Variants in TRMT10B observed in about 807,000 individuals in gnomAD.
TRMT10B encodes tRNA methyltransferase 10B.
TRMT10B carries 33 observed loss-of-function variants against 43.8 expected under a neutral mutation model. The observed-to-expected ratio is 0.75, with a 90% CI of 0.57 to 1.01. TRMT10B has a LOEUF of 1.01. Among genes scored for constraint, TRMT10B ranks in the 50% least tolerant of loss-of-function variants. The probability of loss-of-function intolerance (pLI) is 0.00; values close to 1 mark genes in which losing one functional copy is unlikely to be tolerated. For missense variants in TRMT10B, 362 were observed against 369.8 expected, an observed-to-expected ratio of 0.98 and a Z score of 0.17; for synonymous variants, 137 against 130.6, an observed-to-expected ratio of 1.05 and a Z score of -0.34.
intron 5 of TRMT10B, among the ~76,000 whole-genome samples, chr9:37,768,957 C>T (rs1827260094): frequency 6.6e-6 from 1 of 152,114 alleles, no homozygotes; most frequent in Admixed American, 6.5e-5. Flanking sequence ...TTCCTGTCTT[C>T]GTGCCTTTCT....
At chr9:37,769,559 T>C (rs1827338202) in intron 5 of TRMT10B, 3 of 206,158 alleles carry the variant, frequency 1.5e-5, no homozygotes, top group African/African-American at 4.6e-5. Flanking sequence ...TTGATAAACC[T>C]AGAGCCATGC....
At chr9:37,775,893 G>C (rs188591718) in intron 7 of TRMT10B, among the ~76,000 whole-genome samples, 3 of 152,324 alleles carry the variant, frequency 2.0e-5, no homozygotes, top group Admixed American at 2.0e-4. Context: ...CACCTGTCTT[G>C]AATCTTGTCT....
chr9:37,774,273 A>AT (rs1385344662), intron 7 of TRMT10B, among the ~76,000 whole-genome samples: 1 of 152,204 alleles, frequency 6.6e-6, no homozygotes, highest in African/African-American at 2.4e-5. Flanking sequence ...AAGTGCTGAG[A>AT]TTGCAGGCAT....
chr9:37,768,285 T>C (rs1488829913), intron 5 of TRMT10B, 57 bp downstream of exon 5: 7 of 1,519,526 alleles, frequency 4.6e-6, no homozygotes, highest in Middle Eastern at 1.9e-4. Flanking sequence ...TTGTGGTTAA[T>C]AGTATTTTTT....
chr9:37,762,013 G>A lies in TRMT10B; in HGVS notation c.82G>A (p.Gly28Ser), dbSNP rs1334056186. ...QGQEGILEETGEDGLPEGFQL... is the reference protein window; with the variant it reads ...QGQEGILEETSEDGLPEGFQL... ...GCAAGAAGGCATCCTAGAGGAGACA[G>A]GTGAAGATGGACTTCCTGAAGGCTT... is the stretch of plus-strand genomic sequence containing the variant. The change falls in exon 2 of 9, where the codon GGT (glycine) becomes AGT (serine). Residue 28 changes from glycine (G) to serine (S), a missense_variant. Physicochemically the swap from Gly to Ser is moderately conservative, Grantham distance 56. Transcript: ENST00000297994. 6.2e-7 allele frequency: 1 copy of A among 1,614,118 alleles called. No individual in the cohort carries two copies. Among genetic ancestry groups the A allele is most frequent in the Non-Finnish European group, 8.5e-7 (1 of 1,180,012 alleles).
chr9:37,754,196 GTATT>G lies in TRMT10B; in HGVS notation c.-30+349_-30+352del, dbSNP rs571770198. The stretch of plus-strand genomic sequence containing the variant: ...AGTGGAGGATTTATGAACTCAGCAA[GTATT>G]TATTAAGCATCTATAAGCAAACAAC... On this transcript the variant is annotated intron_variant, in intron 1 of 8. Coordinates refer to ENST00000297994, the MANE Select transcript of TRMT10B (RefSeq NM_144964.4). Among the ~76,000 whole-genome samples, 481 of 152,336 alleles carry G rather than the reference GTATT, an allele frequency of 3.2e-3. 4 individuals carry two copies. The highest frequency in any genetic ancestry group is 0.01 in the Middle Eastern group (3 of 294).
chr9:37,777,194 CAAAAAAAAAAAAAAAAAAAAAAA>C (rs11306620), intron 8 of TRMT10B, among the ~76,000 whole-genome samples: 7 of 29,982 alleles, frequency 2.3e-4, no homozygotes, highest in Admixed American at 1.3e-3. Context: ...AACTCCGCCT[CAAAAAAAAAAAAAAAAAAAAAAA>C]AAAAAAAAAA....
intron 1 of TRMT10B, among the ~76,000 whole-genome samples, chr9:37,755,480 T>C (rs1825553651): frequency 1.3e-5 from 2 of 152,206 alleles, no homozygotes; most frequent in Non-Finnish European, 2.9e-5. Context: ...TGAGCAGATC[T>C]CTGCTTCTGT....
At chr9:37,773,826 CTG>C (rs1827838330) in intron 7 of TRMT10B, among the ~76,000 whole-genome samples, 1 of 151,990 alleles carries the variant, frequency 6.6e-6, no homozygotes, top group African/African-American at 2.4e-5. Context: ...GAGCGAGACT[CTG>C]TTTCATACAC....
At chr9:37,772,168 T>C (rs1827665210) in intron 7 of TRMT10B, among the ~76,000 whole-genome samples, 2 of 152,166 alleles carry the variant, frequency 1.3e-5, no homozygotes, top group African/African-American at 4.8e-5. Flanking sequence ...TGTGCCACCA[T>C]GCACAGCTAA....
At chr9:37,765,443 G>A (rs1266059696) in intron 4 of TRMT10B, among the ~76,000 whole-genome samples, 3 of 152,062 alleles carry the variant, frequency 2.0e-5, no homozygotes, top group Non-Finnish European at 4.4e-5. Flanking sequence ...ATTTTTTATG[G>A]CTGCATACTA....
chr9:37,758,037 A>C (rs1825906753), intron 1 of TRMT10B, among the ~76,000 whole-genome samples: 1 of 152,256 alleles, frequency 6.6e-6, no homozygotes, highest in South Asian at 2.1e-4. Context: ...TTCCAAACAC[A>C]GGAGTCAAAA....
chr9:37,756,410 TAA>T (rs10709633), intron 1 of TRMT10B, among the ~76,000 whole-genome samples: 2,308 of 148,018 alleles, frequency 0.016, 50 homozygotes, highest in African/African-American at 0.05. Context: ...ATCTTTTGTT[TAA>T]AAAAAAAAAA....
chr9:37,753,046 G>A (rs1825105557), upstream of TRMT10B, among the ~76,000 whole-genome samples: 1 of 149,948 alleles, frequency 6.7e-6, no homozygotes, highest in African/African-American at 2.5e-5. Context: ...TCTTTCTTGA[G>A]GCCCGTGTGA....
intron 7 of TRMT10B, 87 bp downstream of exon 7, chr9:37,770,826 G>A (rs1005965009): frequency 1.4e-6 from 2 of 1,400,586 alleles, no homozygotes; most frequent in Admixed American, 4.3e-5. Flanking sequence ...CTCCTCTAGA[G>A]GGTCTAAGAA....
intron 4 of TRMT10B, 109 bp from the exon 5 acceptor site, chr9:37,767,967 T>G: frequency 8.3e-7 from 1 of 1,202,390 alleles, no homozygotes; most frequent in Non-Finnish European, 1.2e-6. Flanking sequence ...TCCTAGTACA[T>G]GGGGTTTTCT....
chr9:37,761,516 T>C (rs1381561121), intron 1 of TRMT10B, among the ~76,000 whole-genome samples: 1 of 152,122 alleles, frequency 6.6e-6, no homozygotes. Flanking sequence ...CTGGCCAACA[T>C]GGTGAAACCC....
chr9:37,753,035 C>G (rs531865226), upstream of TRMT10B, among the ~76,000 whole-genome samples: 4 of 152,084 alleles, frequency 2.6e-5, no homozygotes, highest in Admixed American at 2.6e-4. Context: ...GTATTTGCAG[C>G]TCTTTCTTGA....
chr9:37,777,633 C>G lies in TRMT10B; in HGVS notation c.877C>G (p.His293Asp). ...TATCCTGTCCACTTACTTAGAGACT[C>G]ACAACTGGCCTGAAGCATTGAAGAA... Reference protein sequence around the residue: ...FDILSTYLETHNWPEALKKGV... With the variant: ...FDILSTYLETDNWPEALKKGV... The change falls in exon 9 of 9, where the codon CAC (histidine) becomes GAC (aspartate). Residue 293 changes from histidine (H) to aspartate (D), a missense_variant. His to Asp is a moderately conservative substitution (Grantham distance 81). Transcript: ENST00000297994. The G allele has an allele frequency of 6.2e-7, 1 of 1,614,024 alleles. No homozygotes were observed. The highest frequency in any genetic ancestry group is 8.5e-7 in the Non-Finnish European group (1 of 1,179,978).
Sources: gnomAD v4.1 joint callset for allele counts (sites outside exome capture counted in the v4.1 genomes callset) on GRCh38, gnomAD v4.1.1 for gene constraint, MANE v1.5 for transcripts, NCBI Gene and HGNC (gene_info 2026-07-23, HGNC 2026-07-21) for gene names.